Variants in ERO1B observed in about 807,000 individuals in gnomAD.
ERO1B encodes the protein endoplasmic reticulum oxidoreductase 1 beta.
A neutral mutation model predicts 75.3 loss-of-function variants in ERO1B; 49 were observed. The observed-to-expected ratio is 0.65, with a 90% CI of 0.52 to 0.83. The LOEUF is 0.83. Ranked by LOEUF, ERO1B falls within the 40% of genes least tolerant of loss-of-function variation. The pLI, the probability that ERO1B is intolerant of heterozygous loss-of-function variation, is 0.00. For synonymous variants in ERO1B, 191 were observed against 192.9 expected, an observed-to-expected ratio of 0.99 and a Z score of 0.08; for missense variants, 512 against 560.1, an observed-to-expected ratio of 0.91 and a Z score of 0.87.
chr1:236,263,777 GCTTTTTTTTTTTTTT>G (rs1558520240), intron 2 of ERO1B, among the ~76,000 whole-genome samples: 1 of 82,536 alleles, frequency 1.2e-5, no homozygotes, highest in Non-Finnish European at 2.5e-5. Context: ...TATTTTGTTT[GCTTTTTTTTTTTTTT>G]TTTTTTTTTT....
chr1:236,221,431 T>A (rs972577780), intron 14 of ERO1B, among the ~76,000 whole-genome samples: 6 of 152,180 alleles, frequency 3.9e-5, no homozygotes, highest in African/African-American at 1.4e-4. Flanking sequence ...TAAGTTACCA[T>A]CTTTGTTAGA....
intron 1 of ERO1B, among the ~76,000 whole-genome samples, chr1:236,275,824 G>C (rs1259871486): frequency 6.6e-6 from 1 of 152,176 alleles, no homozygotes; most frequent in African/African-American, 2.4e-5. Flanking sequence ...TCAGCAATCA[G>C]AAATAAAGAC....
intron 12 of ERO1B, 43 bp from the exon 13 acceptor site, chr1:236,225,182 C>A (rs1163473006): frequency 6.4e-7 from 1 of 1,569,618 alleles, no homozygotes; most frequent in Non-Finnish European, 8.8e-7. Context: ...CATGAAAAAT[C>A]CACGTACTCT....
chr1:236,235,721 T>C lies in ERO1B; in HGVS notation c.673+68A>G. ...TATAAAAATGAAAGTTTTTTCAATA[T>C]GAAGTTTAGTTATAAAGACATTTTA... On this transcript the variant is annotated intron_variant, in intron 8 of 15. Coordinates refer to ENST00000354619, the MANE Select transcript of ERO1B (RefSeq NM_019891.4). 3.0e-6 allele frequency: 4 copies of C among 1,345,302 alleles called. No individual in the cohort carries two copies. In the South Asian group the frequency reaches 3.9e-5, roughly 13 times the overall value. 83.3% of individuals were successfully genotyped at this position (1,345,302 alleles called of 1,614,324 possible).
At chr1:236,253,353 AAT>A in intron 3 of ERO1B, 67 bp downstream of exon 3, 1 of 900,410 alleles carries the variant, frequency 1.1e-6, no homozygotes, top group Non-Finnish European at 1.8e-6. Context: ...CCTGAAATAA[AAT>A]AGAGGTTATG....
intron 9 of ERO1B, 36 bp downstream of exon 9, chr1:236,232,792 C>A: frequency 6.3e-7 from 1 of 1,577,944 alleles, no homozygotes; most frequent in Non-Finnish European, 8.6e-7. Flanking sequence ...AAAATTTCCT[C>A]CACACTTGAA....
chr1:236,232,878 C>T (rs769345521), intron 8 of ERO1B, 39 bp from the exon 9 acceptor site: 1 of 1,541,002 alleles, frequency 6.5e-7, no homozygotes, highest in East Asian at 2.3e-5. Context: ...TAGAAAATGT[C>T]TTACATAGCT....
At position 236,244,007 on chromosome 1, in the gene ERO1B, C is replaced by T. The variant is rs758757468; in HGVS notation, c.432-512G>A. On this transcript the variant is annotated intron_variant, in intron 5 of 15. Transcript: ENST00000354619. ...GCCACTTTTATCATGGTGTATCACT[C>T]GTTTCACAGCCTAGTTAACATTTAA... 3.4e-4 allele frequency among the ~76,000 whole-genome samples: 52 copies of T among 152,180 alleles called. No homozygotes were observed. In the South Asian group the frequency reaches 3.7e-3, roughly 11 times the overall value.
intron 2 of ERO1B, among the ~76,000 whole-genome samples, chr1:236,256,389 T>C (rs1040949916): frequency 6.6e-6 from 1 of 152,184 alleles, no homozygotes; most frequent in East Asian, 1.9e-4. Context: ...AAGCACACTC[T>C]GCACCTCCTT....
intron 2 of ERO1B, among the ~76,000 whole-genome samples, chr1:236,258,111 AAG>A (rs71176473): frequency 0.23 from 31,156 of 134,506 alleles, 4,005 homozygotes; most frequent in East Asian, 0.38. Context: ...GAAGGACAGA[AAG>A]AGAGAGAGAG....
rs1665556433 is a variant in ERO1B, at chr1:236,269,977, A to T, written c.120T>A (p.Asp40Glu). The change falls in exon 2 of 16, where the codon GAT becomes GAA. Residue 40 changes from aspartate to glutamate, a missense_variant. Coordinates refer to ENST00000354619, the MANE Select transcript of ERO1B (RefSeq NM_019891.4). ...TGCTGTCAATATCACACAAGCAATC[A>T]TCCAGAACTCCAGTGACCTAGAATT... ...VVEAQVTGVL[D>E]DCLCDIDSID... 1.3e-6 allele frequency: 2 copies of T among 1,599,154 alleles called. No individual in the cohort carries two copies. The highest frequency in any genetic ancestry group is 1.7e-6 in the Non-Finnish European group (2 of 1,168,938).
At chr1:236,230,111 A>C in intron 10 of ERO1B, 113 bp downstream of exon 10, 1 of 809,666 alleles carries the variant, frequency 1.2e-6, no homozygotes, top group Non-Finnish European at 2.0e-6. Flanking sequence ...TTTTTTTTTC[A>C]AACTGTCAAA....
chr1:236,220,144 T>C (rs184900851), intron 15 of ERO1B: 8 of 151,794 alleles, frequency 5.3e-5, no homozygotes, highest in African/African-American at 1.9e-4. Context: ...AATCTTTGTA[T>C]TACTTAGTCC....
At chr1:236,223,976 A>C (rs182737567) in intron 13 of ERO1B, among the ~76,000 whole-genome samples, 1 of 152,316 alleles carries the variant, frequency 6.6e-6, no homozygotes, top group Admixed American at 6.5e-5. Flanking sequence ...CCTATAGTAC[A>C]TCCACATCTA....
At chr1:236,241,630 C>A (rs1344967090) in intron 6 of ERO1B, among the ~76,000 whole-genome samples, 1 of 151,864 alleles carries the variant, frequency 6.6e-6, no homozygotes, top group African/African-American at 2.4e-5. Flanking sequence ...TCATGGTAAA[C>A]CAATTAGTAG....
At chr1:236,232,678 T>A (rs1572036530) in intron 9 of ERO1B, 150 bp downstream of exon 9, 1 of 437,272 alleles carries the variant, frequency 2.3e-6, no homozygotes, top group African/African-American at 3.8e-5. Context: ...TATAAAATAA[T>A]CTTTTTTTTT....
At chr1:236,240,378 G>C (rs78019301) in intron 6 of ERO1B, among the ~76,000 whole-genome samples, 1 of 151,956 alleles carries the variant, frequency 6.6e-6, no homozygotes. Context: ...CAAGCTCTTT[G>C]CTACGGTCAC....
chr1:236,272,034 T>C (rs1665601258), intron 1 of ERO1B, among the ~76,000 whole-genome samples: 1 of 152,148 alleles, frequency 6.6e-6, no homozygotes, highest in Non-Finnish European at 1.5e-5. Flanking sequence ...CAGTATCATA[T>C]TAAAAAGTAA....
At chr1:236,265,602 C>T (rs1665416734) in intron 2 of ERO1B, among the ~76,000 whole-genome samples, 1 of 152,248 alleles carries the variant, frequency 6.6e-6, no homozygotes, top group Middle Eastern at 3.4e-3. Flanking sequence ...TAAATGGTTC[C>T]TCTATTTCTT....
Sources: allele counts gnomAD v4.1 joint callset (sites outside exome capture counted in the v4.1 genomes callset), GRCh38; gene constraint gnomAD v4.1.1; transcripts MANE v1.5; gene names NCBI Gene and HGNC (gene_info 2026-07-23, HGNC 2026-07-21).